The following TOX2 variants were observed in gnomAD, a reference collection of about 807,000 sequenced individuals.
The protein encoded by TOX2 is granulosa cell HMG box 1.
Under a neutral mutation model 47.4 loss-of-function variants are expected in TOX2, and 15 were observed. The ratio of observed to expected loss-of-function variants is 0.32; its 90% CI spans 0.21 to 0.49. The LOEUF (loss-of-function observed/expected upper bound fraction) is 0.49, where lower values mean the gene tolerates loss of function less well. Ranked by LOEUF, TOX2 falls within the 20% of genes least tolerant of loss-of-function variation. The pLI is 0.99. For synonymous variants in TOX2, 290 were observed against 296.6 expected, an observed-to-expected ratio of 0.98 and a Z score of 0.23; for missense variants, 622 against 673.1, an observed-to-expected ratio of 0.92 and a Z score of 0.84.
At chr20:43,988,489 C>T (rs2070312109) in intron 2 of TOX2, among the ~76,000 whole-genome samples, 1 of 152,228 alleles carries the variant, frequency 6.6e-6, no homozygotes, top group Non-Finnish European at 1.5e-5. Flanking sequence ...CTCTCATTGC[C>T]TCAGTTTCTG....
At chr20:43,934,135 A>AGG (rs1305150154) in intron 1 of TOX2, among the ~76,000 whole-genome samples, 1 of 53,832 alleles carries the variant, frequency 1.9e-5, no homozygotes, top group South Asian at 1.0e-3. Flanking sequence ...GCCCAAGGTA[A>AGG]GGAGAGAGAG....
At chr20:43,944,326 C>A (rs1243250441) in intron 1 of TOX2, among the ~76,000 whole-genome samples, 3 of 152,194 alleles carry the variant, frequency 2.0e-5, no homozygotes, top group African/African-American at 7.2e-5. Flanking sequence ...AAACGATTGG[C>A]TGCAGGAGTG....
intron 1 of TOX2, among the ~76,000 whole-genome samples, chr20:43,947,093 C>T (rs4812771): frequency 0.13 from 19,490 of 152,160 alleles, 1,482 homozygotes; most frequent in East Asian, 0.26. Context: ...GGCAGTGGGC[C>T]CAGGTCTGCA....
At chr20:43,964,591 T>C (rs780680862) in intron 1 of TOX2, among the ~76,000 whole-genome samples, 1 of 152,180 alleles carries the variant, frequency 6.6e-6, no homozygotes, top group Admixed American at 6.5e-5. Context: ...CTTTGATCTG[T>C]GTCTCTGTGC....
chr20:44,024,928 A>G (rs913677170), intron 3 of TOX2, among the ~76,000 whole-genome samples: 1 of 152,284 alleles, frequency 6.6e-6, no homozygotes, highest in Non-Finnish European at 1.5e-5. Flanking sequence ...CTATTGGAGC[A>G]GTTCTAGGAC....
Position 44,051,352 on chromosome 20 carries a change from G to C in TOX2, c.458G>C (p.Arg153Pro), listed in dbSNP as rs149877478. The C allele has an allele frequency of 6.2e-7, 1 of 1,613,190 alleles. No homozygotes were observed. The highest frequency in any genetic ancestry group is 1.3e-5 in the African/African-American group (1 of 74,910). The change falls in exon 4 of 9, where the codon CGG becomes CCG. Residue 153 changes from arginine to proline, a missense_variant. By Grantham distance (103) the Arg-to-Pro change is moderately radical. Transcript: ENST00000341197. ...GAAGTGGCTGCCTATGACTCGGGCCGGCCCGGGCCCCTGCTGGGTCGCCCG... is the reference window on the plus strand; with the variant it reads ...GAAGTGGCTGCCTATGACTCGGGCCCGCCCGGGCCCCTGCTGGGTCGCCCG... ...HSEVAAYDSG[R>P]PGPLLGRPAM...
intron 5 of TOX2, 63 bp downstream of exon 5, chr20:44,054,589 A>C: frequency 6.6e-7 from 1 of 1,524,406 alleles, no homozygotes; most frequent in Non-Finnish European, 9.0e-7. Context: ...CCAAGGACAC[A>C]CTTTGAAGGT....
At chr20:43,998,926 A>G (rs1234480416) in intron 2 of TOX2, among the ~76,000 whole-genome samples, 1 of 152,014 alleles carries the variant, frequency 6.6e-6, no homozygotes, top group Non-Finnish European at 1.5e-5. Flanking sequence ...TGTCCAGCTA[A>G]TTTTTGTATT....
At chr20:43,999,854 A>G (rs1158846994) in intron 2 of TOX2, among the ~76,000 whole-genome samples, 1 of 152,274 alleles carries the variant, frequency 6.6e-6, no homozygotes, top group Non-Finnish European at 1.5e-5. Flanking sequence ...TGGTACTGGC[A>G]TAAGGATAGA....
At chr20:43,928,981 GAA>G (rs575418660) in intron 1 of TOX2, among the ~76,000 whole-genome samples, 5 of 86,110 alleles carry the variant, frequency 5.8e-5, no homozygotes, top group African/African-American at 9.9e-5. Flanking sequence ...CTAAAAATAT[GAA>G]AAAAAAAAAA....
intron 2 of TOX2, among the ~76,000 whole-genome samples, chr20:43,983,276 A>C (rs980887426): frequency 1.3e-5 from 2 of 152,172 alleles, no homozygotes; most frequent in African/African-American, 4.8e-5. Flanking sequence ...TGCAACAGAC[A>C]CACAAGAACT....
chr20:43,925,476 C>T (rs923177832), intron 1 of TOX2, among the ~76,000 whole-genome samples: 7 of 152,284 alleles, frequency 4.6e-5, no homozygotes, highest in African/African-American at 1.7e-4. Flanking sequence ...GCACTTTTTC[C>T]AGCCTTGTGC....
intron 1 of TOX2, among the ~76,000 whole-genome samples, chr20:43,923,106 T>TTG (rs2069128567): frequency 6.6e-6 from 1 of 151,954 alleles, no homozygotes; most frequent in South Asian, 2.1e-4. Context: ...GGAGCAGCCA[T>TTG]TGTAGGGGTG....
In TOX2 at chr20:43,991,665, T is replaced by C. The variant is rs971806838; in HGVS notation, c.166-14882T>C. On this transcript the variant is annotated intron_variant, in intron 2 of 8. Coordinates refer to ENST00000341197, the MANE Select transcript of TOX2 (RefSeq NM_001098797.2). ...TTATTATTATTATTATTATTTTGAG[T>C]TGGAGTCTTGCTCTGTCATCCAGGC... Among the ~76,000 whole-genome samples the C allele has an allele frequency of 2.0e-5, 3 of 149,836 alleles. No homozygotes were observed. The Admixed American group carries it at 2.0e-4, about 10-fold the overall frequency.
chr20:44,056,604 G>A (rs868493831), intron 5 of TOX2, among the ~76,000 whole-genome samples: 4 of 152,130 alleles, frequency 2.6e-5, no homozygotes, highest in Non-Finnish European at 4.4e-5. Flanking sequence ...TTACCTGTCT[G>A]ACGTTTTATT....
intron 3 of TOX2, among the ~76,000 whole-genome samples, chr20:44,010,314 A>G (rs2070758128): frequency 1.3e-5 from 2 of 152,226 alleles, no homozygotes; most frequent in Admixed American, 6.5e-5. Context: ...CTGTCCAAAT[A>G]GGCACTTGCA....
Position 43,914,883 on chromosome 20 carries a change from G to GCGCCCGCCATGGA in TOX2, c.-6_7dup, listed in dbSNP as rs1239808604. On this transcript the variant is annotated 5_prime_UTR_variant, in exon 1 of 9. In the 5' UTR this introduces an upstream ATG that the reference lacks. Coordinates refer to ENST00000341197, the MANE Select transcript of TOX2 (RefSeq NM_001098797.2). The surrounding 1 kb of genome is among the most constrained non-coding windows in gnomAD (Gnocchi z 4.5). ...CGCGGGAGCCGCCGCCGCCGCCGCC[G>GCGCCCGCCATGGA]CGCCCGCCATGGACGTCCGCCTGTA... is the stretch of plus-strand genomic sequence containing the variant. The GCGCCCGCCATGGA allele has an allele frequency of 9.8e-7, 1 of 1,017,002 alleles. No homozygotes were observed. Among genetic ancestry groups the GCGCCCGCCATGGA allele is most frequent in the African/African-American group, 1.7e-5 (1 of 57,322 alleles). The allele number at this position is 1,017,002 out of a possible 1,614,324, so 63.0% of individuals were successfully genotyped here. A position where few individuals can be genotyped will look rare whatever the true frequency, so the allele number is the denominator to read the frequency against.
intron 1 of TOX2, among the ~76,000 whole-genome samples, chr20:43,971,030 A>G (rs2069955873): frequency 6.6e-6 from 1 of 152,220 alleles, no homozygotes; most frequent in African/African-American, 2.4e-5. Context: ...GTAGTCACCA[A>G]GGGACTCTCC....
At chr20:43,977,559 G>A (rs773889603) in intron 2 of TOX2, among the ~76,000 whole-genome samples, 53 of 152,058 alleles carry the variant, frequency 3.5e-4, no homozygotes, top group Non-Finnish European at 5.0e-4. Context: ...AACTTTCACC[G>A]CCGCTCTACG....
Sources: gnomAD v4.1 joint callset for allele counts (sites outside exome capture counted in the v4.1 genomes callset) on GRCh38, gnomAD v4.1.1 for gene constraint, Gnocchi (gnomAD v3.1) non-coding constraint, MANE v1.5 for transcripts, NCBI Gene and HGNC (gene_info 2026-07-23, HGNC 2026-07-21) for gene names.